The following ITGBL1 variants were observed in gnomAD, a reference collection of about 807,000 sequenced individuals.
The protein encoded by ITGBL1 is integrin beta-like protein 1.
Under a neutral mutation model 68.5 loss-of-function variants are expected in ITGBL1, and 51 were observed. The observed-to-expected ratio is 0.74, with a 90% CI of 0.59 to 0.94. ITGBL1 has a LOEUF of 0.94. ITGBL1 is among the 40% of genes least tolerant of loss of function. ITGBL1 has a pLI of 0.00. For missense variants in ITGBL1, 649 were observed against 647.4 expected (o/e 1.00, Z -0.03); for synonymous variants, 209 against 227.3 (o/e 0.92, Z 0.72).
chr13:101,617,644 G>A (rs962295017), intron 7 of ITGBL1, among the ~76,000 whole-genome samples: 8 of 152,022 alleles, frequency 5.3e-5, no homozygotes, highest in African/African-American at 1.9e-4. Context: ...TAAAACTATA[G>A]AAATTTAATA....
intron 9 of ITGBL1, among the ~76,000 whole-genome samples, chr13:101,708,159 T>C (rs2034306165): frequency 6.6e-6 from 1 of 152,108 alleles, no homozygotes; most frequent in Non-Finnish European, 1.5e-5. Flanking sequence ...CTGTATACTA[T>C]TCTTGAAGGG....
At chr13:101,625,247 A>G (rs1475541309) in intron 7 of ITGBL1, among the ~76,000 whole-genome samples, 1 of 152,046 alleles carries the variant, frequency 6.6e-6, no homozygotes. Context: ...CTTAGTAAAC[A>G]CTCTTGGCAC....
intron 7 of ITGBL1, among the ~76,000 whole-genome samples, chr13:101,689,120 G>A (rs916247052): frequency 6.7e-6 from 1 of 148,924 alleles, no homozygotes; most frequent in African/African-American, 2.5e-5. Flanking sequence ...CAAGAGAATT[G>A]CTTGAACCCA....
chr13:101,474,479 T>C (rs1310511295), intron 2 of ITGBL1, among the ~76,000 whole-genome samples: 2 of 152,184 alleles, frequency 1.3e-5, no homozygotes, highest in Non-Finnish European at 2.9e-5. Flanking sequence ...GGGCCAGCCT[T>C]GAGCCAGGGA....
At chr13:101,496,614 C>G (rs1199929974) in intron 2 of ITGBL1, among the ~76,000 whole-genome samples, 1 of 152,116 alleles carries the variant, frequency 6.6e-6, no homozygotes, top group Non-Finnish European at 1.5e-5. Context: ...TAATCAGTAT[C>G]AATGGCCTTT....
At chr13:101,706,326 T>A (rs188985538) in intron 8 of ITGBL1, among the ~76,000 whole-genome samples, 1 of 152,218 alleles carries the variant, frequency 6.6e-6, no homozygotes, top group African/African-American at 2.4e-5. Flanking sequence ...AAAGTTACCC[T>A]TTTGTTTTAT....
rs75422094 is a variant in ITGBL1, at chr13:101,577,546, G to T, written c.587-1741G>T. Reference sequence around the variant, plus strand: ...TAAAACCCTAATTCAGTACTGAATTGTATAAATATTCAAAGAATTTGGATG... The same window carrying T: ...TAAAACCCTAATTCAGTACTGAATTTTATAAATATTCAAAGAATTTGGATG... On this transcript the variant is annotated intron_variant, in intron 4 of 10. Transcript: ENST00000376180. Among the ~76,000 whole-genome samples the T allele has an allele frequency of 2.7e-4, 41 of 152,238 alleles. No individual in the cohort carries two copies. In the East Asian group the frequency reaches 7.7e-3, roughly 29 times the overall value.
intron 7 of ITGBL1, among the ~76,000 whole-genome samples, chr13:101,646,422 T>TA (rs34950967): frequency 2.6e-5 from 4 of 151,912 alleles, no homozygotes; most frequent in Non-Finnish European, 5.9e-5. Flanking sequence ...ACCCAAAGGT[T>TA]AAAAAAAAGT....
chr13:101,669,561 A>C (rs1211624874), intron 7 of ITGBL1, among the ~76,000 whole-genome samples: 2 of 152,216 alleles, frequency 1.3e-5, no homozygotes, highest in Non-Finnish European at 2.9e-5. Context: ...ACATTACTAT[A>C]CTGATACAAA....
intron 7 of ITGBL1, among the ~76,000 whole-genome samples, chr13:101,661,853 G>A (rs72659169): frequency 0.17 from 25,130 of 152,056 alleles, 2,690 homozygotes; most frequent in Admixed American, 0.27. Flanking sequence ...TTTTCTAAAC[G>A]GATAAAAATG....
rs1296623232 is a variant in ITGBL1 at position 101,715,974 on chromosome 13, G to C, written c.*320G>C. The C allele has an allele frequency of 2.1e-5, 6 of 289,476 alleles. No homozygotes were observed. Among genetic ancestry groups the C allele is most frequent in the Non-Finnish European group, 3.3e-5 (5 of 149,988 alleles). 17.9% of individuals were successfully genotyped at this position (289,476 alleles called of 1,614,324 possible). On this transcript the variant is annotated 3_prime_UTR_variant, in exon 11 of 11. Transcript: ENST00000376180. ...CACACTGGGTCGGGTAGGAAGGTAT[G>C]CTGCAGACATTTGGTGGGTAGAGGC...
At chr13:101,618,948 GT>G (rs1171598660) in intron 7 of ITGBL1, among the ~76,000 whole-genome samples, 3 of 151,986 alleles carry the variant, frequency 2.0e-5, no homozygotes, top group Non-Finnish European at 4.4e-5. Flanking sequence ...GGATGGTAGC[GT>G]TCTAAATTTG....
intron 2 of ITGBL1, among the ~76,000 whole-genome samples, chr13:101,460,457 C>T (rs200507257): frequency 3.2e-4 from 49 of 152,238 alleles, no homozygotes; most frequent in East Asian, 2.7e-3. Context: ...CATCTGTGTT[C>T]GATAAATGCA....
intron 7 of ITGBL1, among the ~76,000 whole-genome samples, chr13:101,627,001 A>G (rs2139399737): frequency 6.6e-6 from 1 of 152,296 alleles, no homozygotes; most frequent in South Asian, 2.1e-4. Flanking sequence ...AGGCTGTATG[A>G]CTTTGCGTAG....
chr13:101,537,007 A>G (rs1353172450), intron 2 of ITGBL1, among the ~76,000 whole-genome samples: 1 of 151,712 alleles, frequency 6.6e-6, no homozygotes, highest in African/African-American at 2.4e-5. Context: ...ACTTATCTAC[A>G]TTTTAAAATA....
In ITGBL1 at chr13:101,604,394, G is replaced by T. The variant is rs180685072; in HGVS notation, c.1015+6095G>T. 3.3e-5 allele frequency among the ~76,000 whole-genome samples: 5 copies of T among 151,964 alleles called. No individual in the cohort carries two copies. In the East Asian group the frequency reaches 9.7e-4, roughly 29 times the overall value. ...TTTATTAAAAAGGTGTTGAGTAAAT[G>T]TATAGAATTATGATTTTTAAAATTG... is the stretch of plus-strand genomic sequence containing the variant. On this transcript the variant is annotated intron_variant, in intron 7 of 10. Transcript: ENST00000376180.
intron 2 of ITGBL1, among the ~76,000 whole-genome samples, chr13:101,561,997 G>T (rs1472000019): frequency 2.0e-5 from 3 of 152,162 alleles, no homozygotes; most frequent in African/African-American, 7.2e-5. Flanking sequence ...AGTAGATTGT[G>T]TGTCTATAGG....
intron 7 of ITGBL1, among the ~76,000 whole-genome samples, chr13:101,634,941 GGTGTGT>G (rs59309809): frequency 4.0e-4 from 58 of 145,896 alleles, no homozygotes; most frequent in East Asian, 1.2e-3. Flanking sequence ...ATAAGCAAAA[GGTGTGT>G]GTGTGTGTGT....
intron 7 of ITGBL1, among the ~76,000 whole-genome samples, chr13:101,650,490 ACTTTT>A (rs1281850707): frequency 2.6e-5 from 4 of 152,148 alleles, no homozygotes; most frequent in Admixed American, 1.3e-4. Context: ...AATATTAATT[ACTTTT>A]CTTTAGCATT....
Sources: gnomAD v4.1 joint callset for allele counts (sites outside exome capture counted in the v4.1 genomes callset) on GRCh38, gnomAD v4.1.1 for gene constraint, MANE v1.5 for transcripts, NCBI Gene and HGNC (gene_info 2026-07-23, HGNC 2026-07-21) for gene names.